The following EPS15L1 variants were observed in gnomAD, a reference collection of about 807,000 sequenced individuals.
The protein encoded by EPS15L1 is epidermal growth factor receptor substrate 15-like 1.
In EPS15L1, 43 loss-of-function variants were observed where a neutral mutation model predicts 117.1. The ratio of observed to expected loss-of-function variants is 0.37; its 90% CI spans 0.29 to 0.47. EPS15L1 has a LOEUF of 0.47. Among genes scored for constraint, EPS15L1 ranks in the 20% least tolerant of loss-of-function variants. The probability of loss-of-function intolerance (pLI) is 0.99; values close to 1 mark genes in which losing one functional copy is unlikely to be tolerated. For synonymous variants in EPS15L1, 459 were observed against 470.5 expected (o/e 0.98, Z 0.32); for missense variants, 981 against 1,164.0 (o/e 0.84, Z 2.29).
At chr19:16,394,199 A>G (rs2092515124) in intron 17 of EPS15L1, among the ~76,000 whole-genome samples, 198 bp from the exon 18 acceptor site, 1 of 152,200 alleles carries the variant, frequency 6.6e-6, no homozygotes, top group African/African-American at 2.4e-5. Flanking sequence ...TGGAGGAGGC[A>G]GCTGTTTCTG....
chr19:16,433,049 A>C (rs1486908561), intron 7 of EPS15L1, among the ~76,000 whole-genome samples: 2 of 151,760 alleles, frequency 1.3e-5, no homozygotes, highest in African/African-American at 4.8e-5. Context: ...GGACTCAAGT[A>C]ATCTGCCCGC....
intron 7 of EPS15L1, among the ~76,000 whole-genome samples, chr19:16,433,177 G>A (rs927882348): frequency 2.4e-4 from 37 of 152,052 alleles, no homozygotes; most frequent in African/African-American, 8.7e-4. Context: ...GCCCTGGCTG[G>A]AGTGCAGTGG....
intron 1 of EPS15L1, among the ~76,000 whole-genome samples, chr19:16,452,049 G>C (rs2093149661): frequency 6.6e-6 from 1 of 151,432 alleles, no homozygotes; most frequent in Non-Finnish European, 1.5e-5. Flanking sequence ...TGAGGCAGGA[G>C]AAATGCTTAA....
At chr19:16,396,514 T>A (rs2092542376) in intron 16 of EPS15L1, among the ~76,000 whole-genome samples, 1 of 152,180 alleles carries the variant, frequency 6.6e-6, no homozygotes, top group Admixed American at 6.5e-5. Context: ...TCCTCCCACC[T>A]CAGCCTCCCA....
Position 16,417,811 on chromosome 19 carries a change from C to CG in EPS15L1, c.1107+136dup, listed in dbSNP as rs1050584489. 3.7e-6 allele frequency: 5 copies of CG among 1,336,730 alleles called. No homozygotes were observed. The African/African-American group carries it at 5.8e-5, about 16-fold the overall frequency. 82.8% of individuals were successfully genotyped at this position (1,336,730 alleles called of 1,614,324 possible). A position where few individuals can be genotyped will look rare whatever the true frequency, so the allele number is the denominator to read the frequency against. On this transcript the variant is annotated intron_variant, in intron 11 of 23. Coordinates refer to ENST00000455140, the MANE Select transcript of EPS15L1 (RefSeq NM_001258374.3). ...TACCTGGGCAGCCAAGCCACCCTCCCGGGGGCCCCTGTTGAGGAAGGCAGG... is the reference window on the plus strand; with the variant it reads ...TACCTGGGCAGCCAAGCCACCCTCCCGGGGGGCCCCTGTTGAGGAAGGCAGG...
intron 22 of EPS15L1, among the ~76,000 whole-genome samples, chr19:16,363,506 C>T (rs1249156038): frequency 1.3e-5 from 2 of 152,200 alleles, no homozygotes; most frequent in Non-Finnish European, 2.9e-5. Context: ...TCTGTTCCCC[C>T]AGCAGATCAG....
At position 16,425,183 on chromosome 19, in the gene EPS15L1, G is replaced by C. The variant is rs1339198340; in HGVS notation, c.692C>G (p.Pro231Arg). ...CGTGGAGCGGAGGCTGTCTTTTGGT[G>C]GGGGGCTGGCAGGCAGGACGGGGAC... Reference protein sequence around the residue: ...GAVPVLPASPPPKDSLRSTPS... With the variant: ...GAVPVLPASPRPKDSLRSTPS... Residue 231 changes from proline (P) to arginine (R), a missense_variant, in exon 9 of 24, where the codon CCA becomes CGA. By Grantham distance (103) the Pro-to-Arg change is moderately radical. Coordinates refer to ENST00000455140, the MANE Select transcript of EPS15L1 (RefSeq NM_001258374.3). 1 of 1,613,286 alleles carries C rather than the reference G, an allele frequency of 6.2e-7. No individual in the cohort carries two copies. The highest frequency in any genetic ancestry group is 1.3e-5 in the African/African-American group (1 of 74,928).
intron 3 of EPS15L1, chr19:16,441,123 G>A (rs914014527): frequency 3.2e-5 from 19 of 595,566 alleles, no homozygotes; most frequent in Non-Finnish European, 5.4e-5. Context: ...GGACATCCAG[G>A]TGCACTCAGC....
At chr19:16,419,539 T>C (rs909268719) in intron 10 of EPS15L1, among the ~76,000 whole-genome samples, 2 of 151,836 alleles carry the variant, frequency 1.3e-5, no homozygotes, top group African/African-American at 4.8e-5. Flanking sequence ...TTGGCATCTA[T>C]GAAAAATGTC....
intron 22 of EPS15L1, among the ~76,000 whole-genome samples, chr19:16,368,748 A>T (rs572770499): frequency 6.6e-6 from 1 of 152,250 alleles, no homozygotes; most frequent in South Asian, 2.1e-4. Flanking sequence ...AGGTGATCCC[A>T]CAAAACCATC....
chr19:16,415,029 T>C (rs1224804195), intron 12 of EPS15L1, among the ~76,000 whole-genome samples: 1 of 152,144 alleles, frequency 6.6e-6, no homozygotes, highest in African/African-American at 2.4e-5. Flanking sequence ...TAAACTGAGA[T>C]AGAATTCGTG....
chr19:16,467,150 C>CTTTTT (rs958708091), intron 1 of EPS15L1, among the ~76,000 whole-genome samples: 1 of 140,556 alleles, frequency 7.1e-6, no homozygotes, highest in Non-Finnish European at 1.6e-5. Context: ...CTTTTCTTTT[C>CTTTTT]TTTTTTTTTT....
chr19:16,402,838 G>A (rs2092616291), intron 15 of EPS15L1, among the ~76,000 whole-genome samples: 1 of 152,140 alleles, frequency 6.6e-6, no homozygotes, highest in African/African-American at 2.4e-5. Context: ...TCTTGCCTCA[G>A]CCTCCTAAAG....
At chr19:16,415,853 T>C (rs2092753474) in intron 12 of EPS15L1, among the ~76,000 whole-genome samples, 1 of 152,184 alleles carries the variant, frequency 6.6e-6, no homozygotes, top group South Asian at 2.1e-4. Context: ...GCCTGCCCGG[T>C]CCTGATTCTC....
At chr19:16,455,542 T>G (rs1352036489) in intron 1 of EPS15L1, among the ~76,000 whole-genome samples, 2 of 151,354 alleles carry the variant, frequency 1.3e-5, no homozygotes, top group Non-Finnish European at 3.0e-5. Flanking sequence ...CAGGAGAGAC[T>G]GCCCAGCTCC....
At chr19:16,397,688 T>A (rs561646008) in intron 16 of EPS15L1, among the ~76,000 whole-genome samples, 5 of 151,366 alleles carry the variant, frequency 3.3e-5, no homozygotes, top group African/African-American at 1.2e-4. Flanking sequence ...TGCTTTGCAT[T>A]TTTTTTTTAA....
chr19:16,464,462 T>C (rs1290240215), intron 1 of EPS15L1, among the ~76,000 whole-genome samples: 2 of 152,212 alleles, frequency 1.3e-5, no homozygotes, highest in African/African-American at 4.8e-5. Flanking sequence ...TTCGGCCGAT[T>C]TGTAGCCCAG....
intron 12 of EPS15L1, among the ~76,000 whole-genome samples, chr19:16,416,672 G>T (rs2092760757): frequency 6.6e-6 from 1 of 151,786 alleles, no homozygotes; most frequent in South Asian, 2.1e-4. Context: ...TAGCCAGCAT[G>T]GTGGTGCGTC....
In EPS15L1 at chr19:16,437,032, G is replaced by A. The variant is rs200454287; in HGVS notation, c.310-33C>T. 39 of 1,600,212 alleles carry A rather than the reference G, an allele frequency of 2.4e-5. No homozygotes were observed. The South Asian group carries it at 2.6e-4, about 11-fold the overall frequency. On this transcript the variant is annotated intron_variant, in intron 5 of 23. Coordinates refer to ENST00000455140, the MANE Select transcript of EPS15L1 (RefSeq NM_001258374.3). ...GAGAGAGAAACATTCCTTTGTGGCT[G>A]GCACAGAATTAAATCATAGGTGGGT...
Sources: allele counts gnomAD v4.1 joint callset (sites outside exome capture counted in the v4.1 genomes callset), GRCh38; gene constraint gnomAD v4.1.1; transcripts MANE v1.5; gene names NCBI Gene and HGNC (gene_info 2026-07-23, HGNC 2026-07-21).